KCNH6: variants seen among roughly 807,000 people sequenced by gnomAD.
KCNH6 encodes the protein potassium voltage-gated channel subfamily H member 6.
In KCNH6, 81 loss-of-function variants were observed where a neutral mutation model predicts 83.4. That is an observed-to-expected ratio of 0.97 (90% confidence interval 0.81 to 1.17). The LOEUF (loss-of-function observed/expected upper bound fraction) is 1.17. KCNH6 is among the 50% of genes most tolerant of loss of function. The probability of loss-of-function intolerance (pLI) is 0.00; values close to 1 mark genes in which losing one functional copy is unlikely to be tolerated. For missense variants in KCNH6, 1,203 were observed against 1,290.5 expected, an observed-to-expected ratio of 0.93 and a Z score of 1.04; for synonymous variants, 503 against 545.6, an observed-to-expected ratio of 0.92 and a Z score of 1.09.
intron 8 of KCNH6, among the ~76,000 whole-genome samples, chr17:63,540,432 TA>T (rs60372989): frequency 0.013 from 1,927 of 145,482 alleles, 37 homozygotes; most frequent in African/African-American, 0.045. Context: ...ACTCTGTCTT[TA>T]AAAAAAAAAA....
intron 10 of KCNH6, 120 bp from the exon 11 acceptor site, chr17:63,544,129 G>A (rs2033024620): frequency 3.1e-6 from 5 of 1,604,514 alleles, no homozygotes; most frequent in East Asian, 2.2e-5. Context: ...GGTAAGGAGA[G>A]CCACTCCTCA....
chr17:63,545,143 A>G lies in KCNH6; in HGVS notation c.2462A>G (p.Gln821Arg), dbSNP rs1371014492. Residue 821 changes from glutamine to arginine, a missense_variant, in exon 12 of 13, where the codon CAG becomes CGG. Physicochemically the swap from Gln to Arg is conservative, Grantham distance 43. Transcript: ENST00000314672. ...CAGCTCCTCCAGAAGCCCATGCCCC[A>G]GGGCCACGCCAGCTACATTCTGGAA... ...ILQLLQKPMP[Q>R]GHASYILEAP... 1 of 1,613,826 alleles carries G rather than the reference A, an allele frequency of 6.2e-7. No individual in the cohort carries two copies. Among genetic ancestry groups the G allele is most frequent in the South Asian group, 1.1e-5 (1 of 91,086 alleles).
chr17:63,548,261 G>A (rs766542215), downstream of KCNH6, among the ~76,000 whole-genome samples: 10 of 151,336 alleles, frequency 6.6e-5, no homozygotes, highest in South Asian at 2.1e-4. Flanking sequence ...GCAAGACTCC[G>A]TTTCAAAAAA....
At chr17:63,543,691 C>T in intron 10 of KCNH6, 31 bp downstream of exon 10, 7 of 1,343,824 alleles carry the variant, frequency 5.2e-6, no homozygotes, top group East Asian at 2.3e-5. Context: ...CCCCCACCAG[C>T]CTGTAGCCCC....
In KCNH6 at chr17:63,545,773, G is replaced by C. The variant is rs1489213922; in HGVS notation, c.2748G>C (p.Leu916=). The C allele has an allele frequency of 6.2e-6, 10 of 1,614,010 alleles. No individual in the cohort carries two copies. The highest frequency in any genetic ancestry group is 8.5e-6 in the Non-Finnish European group (10 of 1,180,038). ...CCCTAGCCTCACCTCTACATCCCCT[G>C]GAAGTACAAGGACTCATCTGTGGTC... The part of the protein sequence containing the change: ...WPPLASPLHP[L]EVQGLICGPC... The change falls in exon 13 of 13, where the codon CTG becomes CTC. Residue 916 remains leucine (L), a synonymous_variant. Transcript: ENST00000314672.
chr17:63,544,622 A>G (rs1054648517), intron 11 of KCNH6, among the ~76,000 whole-genome samples: 2 of 152,116 alleles, frequency 1.3e-5, no homozygotes, highest in Non-Finnish European at 2.9e-5. Flanking sequence ...GAGGGGCACA[A>G]CCATGTGCAG....
In KCNH6 at chr17:63,545,597, T is replaced by A; in HGVS notation, c.2584-12T>A. ...TGGCCTGGGGTGCATCCCTCTTTCT[T>A]GCTCCTCCCAGACCCCAAGCTATGG... On this transcript the variant is annotated splice_polypyrimidine_tract_variant and intron_variant, in intron 12 of 12. Coordinates refer to ENST00000314672, the MANE Select transcript of KCNH6 (RefSeq NM_001278919.2). 6.2e-7 allele frequency: 1 copy of A among 1,606,960 alleles called. No individual in the cohort carries two copies. The highest frequency in any genetic ancestry group is 8.5e-7 in the Non-Finnish European group (1 of 1,175,474).
rs140933220 is a variant in KCNH6, at chr17:63,535,809, G to A, written c.1242G>A (p.Trp414Ter). 1.2e-6 allele frequency: 2 copies of A among 1,614,104 alleles called. No individual in the cohort carries two copies. The highest frequency in any genetic ancestry group is 1.7e-5 in the Admixed American group (1 of 60,014). Residue 414 changes from tryptophan to a stop codon, truncating the protein, a stop_gained, in exon 6 of 13, where the codon TGG (tryptophan) becomes TGA (stop). Coordinates refer to ENST00000314672, the MANE Select transcript of KCNH6 (RefSeq NM_001278919.2). LOFTEE classifies it high-confidence loss of function. This position sits in a 1 kb window ranked among gnomAD's most constrained non-coding sequence, Gnocchi z 4.9. ...GCACCTTCGCGCTCATAGCGCACTG[G>A]CTGGCCTGCATCTGGTACGCCATCG... ...LMCTFALIAH[W>*]LACIWYAIGN...
chr17:63,540,311 T>C (rs1021353282), intron 8 of KCNH6, among the ~76,000 whole-genome samples: 1 of 152,078 alleles, frequency 6.6e-6, no homozygotes, highest in Non-Finnish European at 1.5e-5. Context: ...CGGGTGCCTG[T>C]AATCCCAGCT....
chr17:63,528,201 C>T (rs2031843050), intron 2 of KCNH6, among the ~76,000 whole-genome samples: 1 of 152,204 alleles, frequency 6.6e-6, no homozygotes, highest in Non-Finnish European at 1.5e-5. Flanking sequence ...CAAGGAGGCT[C>T]CCTGTCTAGG....
rs746262368 is a variant in KCNH6 at position 63,544,365 on chromosome 17, C to A, written c.2350C>A (p.Leu784Met). Residue 784 changes from leucine to methionine, a missense_variant, in exon 11 of 13, where the codon CTG becomes ATG. Coordinates refer to ENST00000314672, the MANE Select transcript of KCNH6 (RefSeq NM_001278919.2). ...TCAGGAAGACCCAGATTGCTGGCCT[C>A]TGAAGCTGGGCTCCAGGCTAGAGCA... Reference protein sequence around the residue: ...SPQEDPDCWPLKLGSRLEQLQ... With the variant: ...SPQEDPDCWPMKLGSRLEQLQ... 2 of 1,610,014 alleles carry A rather than the reference C, an allele frequency of 1.2e-6. No homozygotes were observed. Among genetic ancestry groups the A allele is most frequent in the Non-Finnish European group, 1.7e-6 (2 of 1,178,188 alleles).
At chr17:63,531,888 A>G (rs1403498032) in intron 4 of KCNH6, among the ~76,000 whole-genome samples, 2 of 152,154 alleles carry the variant, frequency 1.3e-5, no homozygotes, top group Non-Finnish European at 2.9e-5. Context: ...CCCCTGCTCC[A>G]TGTGGGTCCT....
intron 6 of KCNH6, 89 bp from the exon 7 acceptor site, chr17:63,537,976 G>T (rs1460749892): frequency 1.6e-6 from 2 of 1,288,428 alleles, no homozygotes; most frequent in South Asian, 1.3e-5. Flanking sequence ...TTCACCAGGG[G>T]GCTGCTGGAA....
chr17:63,545,954 T>G lies in KCNH6; in HGVS notation c.*52T>G. ...GACTGAAGGTGGGCAAGGTGAGAGT[T>G]AAGGATCTTGGGGAGGTGGCCGGGT... On this transcript the variant is annotated 3_prime_UTR_variant, in exon 13 of 13. Transcript: ENST00000314672. The G allele has an allele frequency of 6.4e-7, 1 of 1,571,896 alleles. No homozygotes were observed. The highest frequency in any genetic ancestry group is 8.7e-7 in the Non-Finnish European group (1 of 1,151,718).
chr17:63,544,854 A>C (rs1035918313), intron 11 of KCNH6, among the ~76,000 whole-genome samples: 3 of 152,058 alleles, frequency 2.0e-5, no homozygotes, highest in African/African-American at 7.2e-5. Flanking sequence ...TTGGGGACTG[A>C]ATCTTGTATG....
At chr17:63,541,348 G>A (rs1345158500) in intron 8 of KCNH6, among the ~76,000 whole-genome samples, 5 of 149,476 alleles carry the variant, frequency 3.3e-5, no homozygotes, top group Non-Finnish European at 5.9e-5. Flanking sequence ...GAGTACAGTG[G>A]TGTGATCTCA....
chr17:63,523,518 A>G lies in KCNH6; in HGVS notation c.76+29A>G, dbSNP rs1597965716. 4 of 1,549,550 alleles carry G rather than the reference A, an allele frequency of 2.6e-6. No homozygotes were observed. Among genetic ancestry groups the G allele is most frequent in the East Asian group, 2.5e-5 (1 of 39,968 alleles). On this transcript the variant is annotated intron_variant, in intron 1 of 12. Transcript: ENST00000314672. The surrounding 1 kb of genome is among the most constrained non-coding windows in gnomAD (Gnocchi z 4.2). ...AGTGTGTGTATGTTGGGGCGGGGGGACGATCTGGAGTCCTGGTTCCGTGAA... is the reference window on the plus strand; with the variant it reads ...AGTGTGTGTATGTTGGGGCGGGGGGGCGATCTGGAGTCCTGGTTCCGTGAA...
intron 6 of KCNH6, among the ~76,000 whole-genome samples, chr17:63,537,553 G>A (rs1467979056): frequency 6.6e-6 from 1 of 152,104 alleles, no homozygotes; most frequent in East Asian, 1.9e-4. Flanking sequence ...TCATGCCTCA[G>A]CCTCCCGAGT....
At position 63,543,652 on chromosome 17, in the gene KCNH6, A is replaced by G; in HGVS notation, c.2225A>G (p.Asn742Ser). 6.2e-7 allele frequency: 1 copy of G among 1,610,582 alleles called. No individual in the cohort carries two copies. Among genetic ancestry groups the G allele is most frequent in the Non-Finnish European group, 8.5e-7 (1 of 1,177,600 alleles). ...QDHQGFFLSD[N>S]QSDAAPPLSI... The stretch of plus-strand genomic sequence containing the variant: ...CACCAAGGTTTCTTTCTCAGTGACA[A>G]CCAGTCAGGTGAGCAAAGCCAGCCC... Residue 742 changes from asparagine to serine, a missense_variant, in exon 10 of 13, where the codon AAC becomes AGC. Asn to Ser is a conservative substitution (Grantham distance 46, BLOSUM62 1). Transcript: ENST00000314672.
Sources: gnomAD v4.1 joint callset for allele counts (sites outside exome capture counted in the v4.1 genomes callset) on GRCh38, gnomAD v4.1.1 for gene constraint, Gnocchi (gnomAD v3.1) non-coding constraint, MANE v1.5 for transcripts, NCBI Gene and HGNC (gene_info 2026-07-23, HGNC 2026-07-21) for gene names.